The following PCBP2 variants were observed in gnomAD, a reference collection of about 807,000 sequenced individuals.
PCBP2 encodes the protein poly(rC)-binding protein 2.
PCBP2 carries 4 observed loss-of-function variants against 50.1 expected under a neutral mutation model. That is an observed-to-expected ratio of 0.08 (90% CI 0.04 to 0.18). The LOEUF (loss-of-function observed/expected upper bound fraction) is 0.18, where lower values mean the gene tolerates loss of function less well. Among genes scored for constraint, PCBP2 ranks in the 10% least tolerant of loss-of-function variants. The probability of loss-of-function intolerance (pLI) is 1.00; values close to 1 mark genes in which losing one functional copy is unlikely to be tolerated. For missense variants in PCBP2, 161 were observed against 474.3 expected (o/e 0.34, Z 6.14); for synonymous variants, 179 against 168.0 (o/e 1.07, Z -0.51).
intron 14 of PCBP2, among the ~76,000 whole-genome samples, chr12:53,477,894 C>G (rs1390580703): frequency 6.6e-6 from 1 of 152,060 alleles, no homozygotes; most frequent in Non-Finnish European, 1.5e-5. Context: ...TTATGCTAAT[C>G]AGTTTAAAAT....
chr12:53,465,059 A>ATT (rs952108319), intron 9 of PCBP2: 13 of 385,592 alleles, frequency 3.4e-5, no homozygotes, highest in East Asian at 1.4e-4. Context: ...TTTTTTTTTA[A>ATT]TTTTTTTTTT....
intron 14 of PCBP2, chr12:53,475,043 G>A (rs1403350393): frequency 8.8e-6 from 4 of 455,950 alleles, no homozygotes; most frequent in South Asian, 1.6e-5. Flanking sequence ...ACCCTCTTCC[G>A]ACCGCCCCTT....
rs1942962780 is a variant in PCBP2, at chr12:53,480,179, G to C, written c.*737G>C. The stretch of plus-strand genomic sequence containing the variant: ...AAGCAGTTGATCATATGTCTGACTG[G>C]GTTCCAGTTTCTTGGGAATGTTGGT... On this transcript the variant is annotated 3_prime_UTR_variant, in exon 15 of 15. Coordinates refer to ENST00000546463, the MANE Select transcript of PCBP2 (RefSeq NM_031989.5). The C allele has an allele frequency of 6.6e-6, 1 of 152,070 alleles. No individual in the cohort carries two copies. The highest frequency in any genetic ancestry group is 6.6e-5 in the Admixed American group (1 of 15,256). The allele number at this position is 152,070 out of a possible 1,614,324, so 9.4% of individuals were successfully genotyped here.
chr12:53,454,913 G>A (rs748261322), intron 2 of PCBP2, 44 bp downstream of exon 2: 12 of 1,507,822 alleles, frequency 8.0e-6, no homozygotes, highest in Non-Finnish European at 1.0e-5. Flanking sequence ...ACTGCTAGGG[G>A]AGGGGCCAGG....
chr12:53,474,045 C>A (rs908258947), intron 14 of PCBP2, among the ~76,000 whole-genome samples: 1 of 152,206 alleles, frequency 6.6e-6, no homozygotes, highest in Non-Finnish European at 1.5e-5. Flanking sequence ...TAGACACATA[C>A]AGGCATTTGG....
chr12:53,472,868 C>T (rs1203246942), intron 14 of PCBP2, among the ~76,000 whole-genome samples: 1 of 152,114 alleles, frequency 6.6e-6, no homozygotes, highest in East Asian at 1.9e-4. Context: ...GAAAAGCTTT[C>T]CCTTTCCTAG....
chr12:53,472,639 A>T (rs1159335326), intron 14 of PCBP2, among the ~76,000 whole-genome samples: 1 of 152,140 alleles, frequency 6.6e-6, no homozygotes, highest in Non-Finnish European at 1.5e-5. Flanking sequence ...TACCTTTCTT[A>T]TAAGTGTTTA....
At position 53,455,488 on chromosome 12, in the gene PCBP2, G is replaced by C; in HGVS notation, c.121G>C (p.Glu41Gln). 1 of 1,613,962 alleles carries C rather than the reference G, an allele frequency of 6.2e-7. No individual in the cohort carries two copies. The highest frequency in any genetic ancestry group is 8.5e-7 in the Non-Finnish European group (1 of 1,179,860). ...KKGESVKKMREESGARINISE... is the reference protein window; with the variant it reads ...KKGESVKKMRQESGARINISE... Reference sequence around the variant, plus strand: ...AGGAGAATCAGTTAAGAAGATGCGCGAGGAGGTAAGTTATGAAAGACTGAG... The same window carrying C: ...AGGAGAATCAGTTAAGAAGATGCGCCAGGAGGTAAGTTATGAAAGACTGAG... The change falls in exon 4 of 15, where the codon GAG becomes CAG. Residue 41 changes from glutamate (E) to glutamine (Q), a missense_variant. Physicochemically the swap from Glu to Gln is conservative, Grantham distance 29. Around this residue, in one of 7 missense-constraint regions of PCBP2, gnomAD observed 7 missense variants for 67.4 expected, o/e 0.10. Transcript: ENST00000546463.
chr12:53,453,671 A>G (rs899735044), intron 1 of PCBP2, among the ~76,000 whole-genome samples: 8 of 152,194 alleles, frequency 5.3e-5, no homozygotes, highest in African/African-American at 1.7e-4. Flanking sequence ...AAGGATGGAT[A>G]CTTAAAATGT....
chr12:53,470,378 C>CAAAAAAAAAAAAAAAAAAA (rs754350790), intron 13 of PCBP2, among the ~76,000 whole-genome samples: 2 of 47,366 alleles, frequency 4.2e-5, no homozygotes, highest in African/African-American at 2.0e-4. Context: ...CTCCGTCTCT[C>CAAAAAAAAAAAAAAAAAAA]AAAAAAAAAA....
rs550710996 is a variant in PCBP2, at chr12:53,472,101, TCA to T, written c.1052+297_1052+298del. 2.6e-5 allele frequency among the ~76,000 whole-genome samples: 4 copies of T among 152,208 alleles called. No homozygotes were observed. In the East Asian group the frequency reaches 5.8e-4, roughly 22 times the overall value. The stretch of plus-strand genomic sequence containing the variant: ...AGTAAGAGTCCTCTGGCTAGAGCAC[TCA>T]CAAAATCAAATGTGGGTCTCTCTTG... On this transcript the variant is annotated intron_variant, in intron 14 of 14. Transcript: ENST00000546463.
intron 5 of PCBP2, among the ~76,000 whole-genome samples, chr12:53,457,332 G>C (rs970113030): frequency 6.6e-6 from 1 of 151,374 alleles, no homozygotes; most frequent in Non-Finnish European, 1.5e-5. Context: ...GATTACAGGC[G>C]TGAGCCACCA....
At chr12:53,466,959 G>C (rs1415003309) in intron 10 of PCBP2, among the ~76,000 whole-genome samples, 1 of 152,100 alleles carries the variant, frequency 6.6e-6, no homozygotes, top group African/African-American at 2.4e-5. Context: ...GGGGATGGTC[G>C]TTGGGCAAGT....
In PCBP2 at chr12:53,461,010, C is replaced by T. The variant is rs1565861542; in HGVS notation, c.376-5C>T. On this transcript the variant is annotated splice_region_variant and splice_polypyrimidine_tract_variant and intron_variant, in intron 6 of 14. Coordinates refer to ENST00000546463, the MANE Select transcript of PCBP2 (RefSeq NM_031989.5). ...TCTGATTTTGAATTTCTTTTTACTC[C>T]AAAGAGTACAGGGGCTCAGGTCCAG... The T allele has an allele frequency of 6.2e-7, 1 of 1,612,650 alleles. No individual in the cohort carries two copies. Among genetic ancestry groups the T allele is most frequent in the Non-Finnish European group, 8.5e-7 (1 of 1,179,724 alleles).
chr12:53,462,572 GAA>G lies in PCBP2; in HGVS notation c.579+8_579+9del, dbSNP rs762072551. On this transcript the variant is annotated splice_donor_region_variant and intron_variant, in intron 8 of 14. Transcript: ENST00000546463. ...GTCATCTTTGCAGGTGGTCAGGTAA[GAA>G]AATTCTCATTTGTGGGCTAGAATGA... The G allele has an allele frequency of 6.5e-5, 105 of 1,611,096 alleles. No individual in the cohort carries two copies. The African/African-American group carries it at 1.3e-3, about 20-fold the overall frequency.
intron 8 of PCBP2, 173 bp from the exon 9 acceptor site, chr12:53,464,587 C>G: frequency 1.2e-6 from 1 of 836,414 alleles, no homozygotes; most frequent in Admixed American, 3.1e-5. Flanking sequence ...AAATCTGCCA[C>G]TAGGTAACTT....
At chr12:53,469,420 G>A (rs1478035442) in intron 13 of PCBP2, among the ~76,000 whole-genome samples, 1 of 151,912 alleles carries the variant, frequency 6.6e-6, no homozygotes, top group Non-Finnish European at 1.5e-5. Flanking sequence ...GTAACTTTTT[G>A]CTGAAAATAG....
chr12:53,452,957 A>C (rs1045447458), intron 1 of PCBP2: 2 of 152,172 alleles, frequency 1.3e-5, no homozygotes, highest in East Asian at 3.9e-4. Flanking sequence ...TTGCCGAGTT[A>C]ATCAGGACGT....
intron 5 of PCBP2, among the ~76,000 whole-genome samples, chr12:53,458,410 A>G (rs1458718739): frequency 6.6e-6 from 1 of 150,628 alleles, no homozygotes; most frequent in Non-Finnish European, 1.5e-5. Flanking sequence ...GATTCAAGCG[A>G]TTCTCCTGCC....
Sources: gnomAD v4.1 joint callset for allele counts (sites outside exome capture counted in the v4.1 genomes callset) on GRCh38, gnomAD v4.1.1 for gene constraint, gnomAD v4.1.1 regional missense constraint, MANE v1.5 for transcripts, NCBI Gene and HGNC (gene_info 2026-07-23, HGNC 2026-07-21) for gene names.